FGF12: variants seen among roughly 807,000 people sequenced by gnomAD.
FGF12 encodes fibroblast growth factor 12.
FGF12 carries 14 observed loss-of-function variants against 23.6 expected under a neutral mutation model. The observed-to-expected ratio is 0.59, with a 90% confidence interval of 0.39 to 0.93. The LOEUF (loss-of-function observed/expected upper bound fraction) is 0.93. Among genes scored for constraint, FGF12 ranks in the 40% least tolerant of loss-of-function variants. FGF12 has a pLI of 0.00. For synonymous variants in FGF12, 62 were observed against 77.3 expected (o/e 0.80, Z 1.04); for missense variants, 175 against 217.8 (o/e 0.80, Z 1.24).
In FGF12 at chr3:192,207,627, G is replaced by C. The variant is rs375761699; in HGVS notation, c.229-36971C>G. ...GGAAGTGTTGCTGGAAAAGCAGTCA[G>C]GGCCAAAATGTGAAGGGTCATCGAT... is the stretch of plus-strand genomic sequence containing the variant. On this transcript the variant is annotated intron_variant, in intron 4 of 5. Coordinates refer to ENST00000445105, the MANE Select transcript of FGF12 (RefSeq NM_004113.6). Among the ~76,000 whole-genome samples the C allele has an allele frequency of 3.9e-5, 6 of 152,306 alleles. No homozygotes were observed. In the East Asian group the frequency reaches 1.2e-3, roughly 29 times the overall value.
At chr3:192,410,258 C>T (rs1721155350) in intron 2 of FGF12, among the ~76,000 whole-genome samples, 1 of 152,170 alleles carries the variant, frequency 6.6e-6, no homozygotes, top group South Asian at 2.1e-4. Flanking sequence ...TCCCTTCTTT[C>T]CTCCCTCCCT....
At chr3:192,153,195 A>T (rs1714158575) in intron 5 of FGF12, among the ~76,000 whole-genome samples, 1 of 25,678 alleles carries the variant, frequency 3.9e-5, no homozygotes, top group African/African-American at 1.0e-4. Context: ...TTTTATTTTG[A>T]GCCTATGTGT....
Position 192,143,850 on chromosome 3 carries a change from C to T in FGF12, c.*159G>A. On this transcript the variant is annotated 3_prime_UTR_variant, in exon 6 of 6. Coordinates refer to ENST00000445105, the MANE Select transcript of FGF12 (RefSeq NM_004113.6). ...CAAGCTTTGGTTCAATTTTCTTGTC[C>T]TACACAAAGGAAGATTTTGAGTGCA... 1.8e-6 allele frequency: 1 copy of T among 556,850 alleles called. No homozygotes were observed. The highest frequency in any genetic ancestry group is 3.2e-6 in the Non-Finnish European group (1 of 311,698). 34.5% of individuals were successfully genotyped at this position (556,850 alleles called of 1,614,324 possible).
intron 2 of FGF12, among the ~76,000 whole-genome samples, chr3:192,723,000 G>A (rs1464099450): frequency 6.6e-6 from 1 of 152,118 alleles, no homozygotes; most frequent in Non-Finnish European, 1.5e-5. Context: ...GAGTACTTAG[G>A]TCATAGGAAT....
In FGF12 at chr3:192,349,472, A is replaced by G. The variant is rs1279995725; in HGVS notation, c.124+10956T>C. On this transcript the variant is annotated intron_variant, in intron 3 of 5. Transcript: ENST00000445105. ...GTGTGTATTTTCTTTTTCCTGCAAC[A>G]TATGTTTAAATTTATACTGCTGCCC... is the stretch of plus-strand genomic sequence containing the variant. Among the ~76,000 whole-genome samples, 3 of 152,124 alleles carry G rather than the reference A, an allele frequency of 2.0e-5. No individual in the cohort carries two copies. In the East Asian group the frequency reaches 5.8e-4, roughly 29 times the overall value.
At position 192,353,508 on chromosome 3, in the gene FGF12, T is replaced by G. The variant is rs555317685; in HGVS notation, c.124+6920A>C. 6.4e-3 allele frequency among the ~76,000 whole-genome samples: 971 copies of G among 151,602 alleles called. 9 individuals are homozygous for G. Among genetic ancestry groups the G allele is most frequent in the African/African-American group, 0.022 (926 of 41,354 alleles). Reference sequence around the variant, plus strand: ...CCTCAGCCTCCCGAGTAGCCAGGACTACAGGCGCCCGCCACCACACCCGCC... The same window carrying G: ...CCTCAGCCTCCCGAGTAGCCAGGACGACAGGCGCCCGCCACCACACCCGCC... On this transcript the variant is annotated intron_variant, in intron 3 of 5. Coordinates refer to ENST00000445105, the MANE Select transcript of FGF12 (RefSeq NM_004113.6).
chr3:192,512,433 A>T (rs1007881139), intron 2 of FGF12, among the ~76,000 whole-genome samples: 2 of 152,098 alleles, frequency 1.3e-5, no homozygotes, highest in African/African-American at 2.4e-5. Flanking sequence ...TAGTAGGCTT[A>T]AAGTTCTTAT....
chr3:192,633,674 C>T (rs1431212839), intron 2 of FGF12, among the ~76,000 whole-genome samples: 3 of 152,078 alleles, frequency 2.0e-5, no homozygotes, highest in Non-Finnish European at 4.4e-5. Context: ...CTGCAAAAGC[C>T]CCCGCTTCAT....
intron 2 of FGF12, among the ~76,000 whole-genome samples, chr3:192,399,961 C>T: frequency 6.6e-6 from 1 of 152,228 alleles, no homozygotes. Flanking sequence ...AGACCGCCAC[C>T]CTCAGGATAC....
intron 2 of FGF12, among the ~76,000 whole-genome samples, chr3:192,423,896 A>T (rs1721613358): frequency 6.6e-6 from 1 of 152,176 alleles, no homozygotes; most frequent in South Asian, 2.1e-4. Flanking sequence ...GTTATTATCA[A>T]CACTCACTAT....
At chr3:192,365,909 A>C (rs909224537) in intron 2 of FGF12, among the ~76,000 whole-genome samples, 2 of 151,654 alleles carry the variant, frequency 1.3e-5, no homozygotes, top group Non-Finnish European at 2.9e-5. Flanking sequence ...TGAATATTCA[A>C]TTACAGGAAA....
intron 4 of FGF12, among the ~76,000 whole-genome samples, chr3:192,209,356 A>C (rs1182776839): frequency 6.6e-6 from 1 of 152,138 alleles, no homozygotes; most frequent in Non-Finnish European, 1.5e-5. Flanking sequence ...GAAAAATAGA[A>C]AGCTGGGTTC....
chr3:192,262,882 C>A (rs958426272), intron 4 of FGF12, among the ~76,000 whole-genome samples: 1 of 151,956 alleles, frequency 6.6e-6, no homozygotes, highest in African/African-American at 2.4e-5. Flanking sequence ...CATACACACA[C>A]ACACACGCAT....
At chr3:192,413,980 T>C (rs534881516) in intron 2 of FGF12, among the ~76,000 whole-genome samples, 5 of 152,332 alleles carry the variant, frequency 3.3e-5, no homozygotes, top group Non-Finnish European at 7.4e-5. Flanking sequence ...TTCCTTTATA[T>C]AGCAAATTTA....
At chr3:192,206,549 T>C (rs1717657385) in intron 4 of FGF12, among the ~76,000 whole-genome samples, 1 of 152,240 alleles carries the variant, frequency 6.6e-6, no homozygotes, top group Non-Finnish European at 1.5e-5. Context: ...AATGCACTTC[T>C]GTGTTTTTGG....
At chr3:192,546,067 T>C (rs988004976) in intron 2 of FGF12, among the ~76,000 whole-genome samples, 1 of 152,178 alleles carries the variant, frequency 6.6e-6, no homozygotes, top group Non-Finnish European at 1.5e-5. Flanking sequence ...ACCTAGTAAA[T>C]GAGGGACAGA....
intron 2 of FGF12, among the ~76,000 whole-genome samples, chr3:192,511,013 T>G (rs1431984557): frequency 6.6e-6 from 1 of 152,154 alleles, no homozygotes; most frequent in African/African-American, 2.4e-5. Context: ...CGTTGAGGTT[T>G]TTTTTGCCTA....
At position 192,142,147 on chromosome 3, in the gene FGF12, GC is replaced by G. The variant is rs1331873848; in HGVS notation, c.*1861del. The G allele has an allele frequency of 6.6e-6, 1 of 152,420 alleles. No individual in the cohort carries two copies. Among genetic ancestry groups the G allele is most frequent in the Non-Finnish European group, 1.5e-5 (1 of 67,936 alleles). 9.4% of individuals were successfully genotyped at this position (152,420 alleles called of 1,614,324 possible). Reference sequence around the variant, plus strand: ...TTGCAAATGTATCTTCAAAATCTTTGCCTACATGCATACAATTTGTTCTTCC... The same window carrying G: ...TTGCAAATGTATCTTCAAAATCTTTGCTACATGCATACAATTTGTTCTTCC... On this transcript the variant is annotated 3_prime_UTR_variant, in exon 6 of 6. Coordinates refer to ENST00000445105, the MANE Select transcript of FGF12 (RefSeq NM_004113.6).
At chr3:192,364,148 A>G (rs932643004) in intron 2 of FGF12, among the ~76,000 whole-genome samples, 1 of 152,180 alleles carries the variant, frequency 6.6e-6, no homozygotes, top group Non-Finnish European at 1.5e-5. Flanking sequence ...AACTCTGGGA[A>G]TGATGCAGCC....
Sources: gnomAD v4.1 joint callset for allele counts (sites outside exome capture counted in the v4.1 genomes callset) on GRCh38, gnomAD v4.1.1 for gene constraint, MANE v1.5 for transcripts, NCBI Gene and HGNC (gene_info 2026-07-23, HGNC 2026-07-21) for gene names.